Variants in SDK1 observed in about 807,000 individuals in gnomAD.
SDK1 encodes the protein protein sidekick-1.
In SDK1, 157 loss-of-function variants were observed where a neutral mutation model predicts 245.5. The observed-to-expected ratio is 0.64, with a 90% CI of 0.56 to 0.73. SDK1 has a LOEUF of 0.73. Ranked by LOEUF, SDK1 falls within the 30% of genes least tolerant of loss-of-function variation. SDK1 has a pLI of 0.00. For synonymous variants in SDK1, 1,647 were observed against 1,278.5 expected (o/e 1.29, Z -6.15); for missense variants, 3,583 against 3,002.3 (o/e 1.19, Z -4.52).
At chr7:4,012,316 T>C (rs1192064563) in intron 16 of SDK1, 81 bp downstream of exon 16, 1 of 1,369,068 alleles carries the variant, frequency 7.3e-7, no homozygotes, top group Non-Finnish European at 9.6e-7. Flanking sequence ...AACTCTAATG[T>C]CTGTAAGAGC....
chr7:3,446,274 G>A (rs1466735936), intron 1 of SDK1, among the ~76,000 whole-genome samples: 1 of 152,078 alleles, frequency 6.6e-6, no homozygotes, highest in Non-Finnish European at 1.5e-5. Context: ...CTATTTTGTG[G>A]ATAAAGAATC....
chr7:3,350,120 T>C (rs1310010456), intron 1 of SDK1, among the ~76,000 whole-genome samples: 1 of 152,104 alleles, frequency 6.6e-6, no homozygotes, highest in Non-Finnish European at 1.5e-5. Context: ...TAAGTTTAGC[T>C]TAGGGAGAGG....
At position 3,955,800 on chromosome 7, in the gene SDK1, T is replaced by C. The variant is rs561835151; in HGVS notation, c.1151-3131T>C. The stretch of plus-strand genomic sequence containing the variant: ...TCCTTCTCCACTGCGGTTGCCTCCA[T>C]TGGGCCTGAGCCTGCACTTTGTCAC... On this transcript the variant is annotated intron_variant, in intron 7 of 44. Coordinates refer to ENST00000404826, the MANE Select transcript of SDK1 (RefSeq NM_152744.4). Among the ~76,000 whole-genome samples, 11 of 152,322 alleles carry C rather than the reference T, an allele frequency of 7.2e-5. No homozygotes were observed. The South Asian group carries it at 1.5e-3, about 20-fold the overall frequency.
At chr7:3,503,597 A>G (rs1422591093) in intron 1 of SDK1, among the ~76,000 whole-genome samples, 1 of 152,162 alleles carries the variant, frequency 6.6e-6, no homozygotes, top group Non-Finnish European at 1.5e-5. Flanking sequence ...GGAACACTAG[A>G]GACCAGGGGT....
At chr7:3,661,140 G>A (rs929758909) in intron 4 of SDK1, among the ~76,000 whole-genome samples, 4 of 152,278 alleles carry the variant, frequency 2.6e-5, no homozygotes, top group Middle Eastern at 3.4e-3. Flanking sequence ...GAGCTTTGTT[G>A]AGTTCAGTAT....
At chr7:3,454,144 A>C (rs369277495) in intron 1 of SDK1, among the ~76,000 whole-genome samples, 1 of 152,198 alleles carries the variant, frequency 6.6e-6, no homozygotes, top group Non-Finnish European at 1.5e-5. Context: ...CCCGAGATCA[A>C]TTGGTTGCCT....
rs1485975924 is a variant in SDK1 at position 4,036,505 on chromosome 7, T to C, written c.2603-12843T>C. The stretch of plus-strand genomic sequence containing the variant: ...TTAGGATTACAAAACTGATTACATC[T>C]CACAGTTTTTAACACCGTAACATAG... On this transcript the variant is annotated intron_variant, in intron 17 of 44. Transcript: ENST00000404826. Among the ~76,000 whole-genome samples the C allele has an allele frequency of 3.3e-5, 5 of 152,374 alleles. No homozygotes were observed. The East Asian group carries it at 9.6e-4, about 29-fold the overall frequency.
At chr7:3,333,995 G>GT (rs778708291) in intron 1 of SDK1, among the ~76,000 whole-genome samples, 8 of 152,286 alleles carry the variant, frequency 5.3e-5, no homozygotes, top group South Asian at 2.1e-4. Flanking sequence ...GTCCACAAGA[G>GT]TAAAGTGGCT....
chr7:3,602,077 T>C (rs1781271535), intron 1 of SDK1, among the ~76,000 whole-genome samples: 1 of 151,992 alleles, frequency 6.6e-6, no homozygotes, highest in Non-Finnish European at 1.5e-5. Context: ...CAGTCTATCG[T>C]TGTTGGACAT....
At chr7:3,868,540 G>T (rs1434134005) in intron 5 of SDK1, among the ~76,000 whole-genome samples, 1 of 152,144 alleles carries the variant, frequency 6.6e-6, no homozygotes, top group Non-Finnish European at 1.5e-5. Context: ...TAGATGGGGG[G>T]CCTTTACAAT....
rs112569889 is a variant in SDK1, at chr7:4,011,016, G to A, written c.2182G>A (p.Val728Ile). ...AAACGTTGGCCCTGAGATGACAGGC[G>A]TCACCGTGAGTGGCCTGACTCCGGC... The part of the protein sequence containing the change: ...LSNVGPEMTG[V>I]TVSGLTPART... The change falls in exon 15 of 45, where the codon GTC becomes ATC. Residue 728 changes from valine (V) to isoleucine (I), a missense_variant. By Grantham distance (29) the Val-to-Ile change is conservative. Transcript: ENST00000404826. 1.1e-5 allele frequency: 18 copies of A among 1,614,176 alleles called. No individual in the cohort carries two copies. The highest frequency in any genetic ancestry group is 9.3e-5 in the African/African-American group (7 of 75,044).
intron 5 of SDK1, among the ~76,000 whole-genome samples, chr7:3,896,484 C>T (rs772483210): frequency 1.1e-4 from 16 of 152,232 alleles, no homozygotes; most frequent in Non-Finnish European, 1.9e-4. Context: ...TCTGCCACAG[C>T]TGCCTCTTCT....
At position 4,267,342 on chromosome 7, in the gene SDK1, C is replaced by G. The variant is rs1264240523; in HGVS notation, c.*1958C>G. ...TCCCTTCCTCTCTCCCCTATTCCTT[C>G]TTCCTTTTCTCCTCCTTTTTCTGAG... is the stretch of plus-strand genomic sequence containing the variant. On this transcript the variant is annotated 3_prime_UTR_variant, in exon 45 of 45. Transcript: ENST00000404826. 22 of 956,756 alleles carry G rather than the reference C, an allele frequency of 2.3e-5. No homozygotes were observed. Among genetic ancestry groups the G allele is most frequent in the Non-Finnish European group, 2.5e-5 (20 of 807,976 alleles). 59.3% of individuals were successfully genotyped at this position (956,756 alleles called of 1,614,324 possible).
At chr7:4,042,917 A>G (rs1788735875) in intron 17 of SDK1, among the ~76,000 whole-genome samples, 1 of 152,346 alleles carries the variant, frequency 6.6e-6, no homozygotes, top group Middle Eastern at 3.4e-3. Flanking sequence ...GATGGCGGTA[A>G]TCAGGACAAA....
At chr7:3,554,166 A>G (rs962964061) in intron 1 of SDK1, among the ~76,000 whole-genome samples, 1 of 152,188 alleles carries the variant, frequency 6.6e-6, no homozygotes, top group African/African-American at 2.4e-5. Flanking sequence ...TAGTCTTCCA[A>G]AGAATTCGTG....
intron 4 of SDK1, among the ~76,000 whole-genome samples, chr7:3,746,515 G>A (rs916738702): frequency 2.0e-5 from 3 of 152,192 alleles, no homozygotes; most frequent in African/African-American, 7.2e-5. Flanking sequence ...CAAAATTGGA[G>A]TCACTCCTCT....
intron 4 of SDK1, among the ~76,000 whole-genome samples, chr7:3,643,936 T>C (rs1421104937): frequency 6.6e-6 from 1 of 150,442 alleles, no homozygotes; most frequent in East Asian, 1.9e-4. Flanking sequence ...ACAGAGTCCC[T>C]CTGTCACCCA....
At chr7:4,087,774 C>A (rs990666775) in intron 22 of SDK1, among the ~76,000 whole-genome samples, 2 of 152,152 alleles carry the variant, frequency 1.3e-5, no homozygotes, top group East Asian at 3.9e-4. Flanking sequence ...TTTTTAGCAC[C>A]CCTGTTTCCC....
intron 5 of SDK1, among the ~76,000 whole-genome samples, chr7:3,924,395 AT>A (rs1316015726): frequency 6.6e-6 from 1 of 152,134 alleles, no homozygotes; most frequent in African/African-American, 2.4e-5. Context: ...ATGGCACTGG[AT>A]GAGTGAATGG....
Sources: gnomAD v4.1 joint callset for allele counts (sites outside exome capture counted in the v4.1 genomes callset) on GRCh38, gnomAD v4.1.1 for gene constraint, MANE v1.5 for transcripts, NCBI Gene and HGNC (gene_info 2026-07-23, HGNC 2026-07-21) for gene names.